TRIO: variants seen among roughly 807,000 people sequenced by gnomAD.
The protein encoded by TRIO is triple functional domain protein.
Under a neutral mutation model 351.9 loss-of-function variants are expected in TRIO, and 58 were observed. The ratio of observed to expected loss-of-function variants is 0.16; its 90% confidence interval spans 0.13 to 0.21. The LOEUF (loss-of-function observed/expected upper bound fraction) is 0.21, where lower values mean the gene tolerates loss of function less well. TRIO is among the 10% of genes least tolerant of loss of function. The probability of loss-of-function intolerance (pLI) is 1.00; values close to 1 mark genes in which losing one functional copy is unlikely to be tolerated. For missense variants in TRIO, 3,201 were observed against 4,027.8 expected, an observed-to-expected ratio of 0.79 and a Z score of 5.56; for synonymous variants, 1,758 against 1,595.7, an observed-to-expected ratio of 1.10 and a Z score of -2.42.
intron 1 of TRIO, among the ~76,000 whole-genome samples, chr5:14,217,867 G>T (rs1472536794): frequency 6.6e-6 from 1 of 152,210 alleles, no homozygotes; most frequent in East Asian, 1.9e-4. Context: ...TTATAGGAAA[G>T]TGTCTCTGTC....
At chr5:14,409,567 G>A (rs1273897918) in intron 33 of TRIO, among the ~76,000 whole-genome samples, 1 of 151,774 alleles carries the variant, frequency 6.6e-6, no homozygotes, top group Non-Finnish European at 1.5e-5. Context: ...GCACGCGGTG[G>A]CTCACGCCTG....
chr5:14,498,027 G>A (rs1393523833), intron 51 of TRIO, 62 bp from the exon 52 acceptor site: 2 of 1,611,848 alleles, frequency 1.2e-6, no homozygotes, highest in African/African-American at 2.7e-5. Context: ...TCGGGGACAT[G>A]TGGGTGGGTG....
At chr5:14,216,893 C>G (rs775497454) in intron 1 of TRIO, among the ~76,000 whole-genome samples, 1 of 152,152 alleles carries the variant, frequency 6.6e-6, no homozygotes, top group Non-Finnish European at 1.5e-5. Flanking sequence ...AAGGTCTCAT[C>G]GTTAGGAAGG....
At chr5:14,421,420 T>C (rs1750145678) in intron 34 of TRIO, among the ~76,000 whole-genome samples, 1 of 151,550 alleles carries the variant, frequency 6.6e-6, no homozygotes, top group Non-Finnish European at 1.5e-5. Flanking sequence ...CTGACCAACA[T>C]GGTGAAACCC....
chr5:14,191,625 CA>C (rs991951882), intron 1 of TRIO, among the ~76,000 whole-genome samples: 3 of 151,098 alleles, frequency 2.0e-5, no homozygotes, highest in Admixed American at 6.6e-5. Flanking sequence ...TTATTTTCAT[CA>C]TTAACATATG....
At chr5:14,468,311 A>C (rs868236108) in intron 37 of TRIO, among the ~76,000 whole-genome samples, 1 of 152,232 alleles carries the variant, frequency 6.6e-6, no homozygotes, top group Admixed American at 6.5e-5. Context: ...TAGGTTTTGG[A>C]GTCAGATAGA....
intron 1 of TRIO, among the ~76,000 whole-genome samples, chr5:14,153,868 G>C (rs1036254952): frequency 6.6e-6 from 1 of 152,106 alleles, no homozygotes; most frequent in African/African-American, 2.4e-5. Flanking sequence ...GTGTATACTC[G>C]TGTGTTAAGG....
chr5:14,399,432 C>T (rs1747884513), intron 30 of TRIO: 1 of 311,010 alleles, frequency 3.2e-6, no homozygotes, highest in African/African-American at 2.1e-5. Context: ...ATTTTTCAAC[C>T]ATAAACATTG....
chr5:14,384,724 G>A (rs1270430960), intron 21 of TRIO, among the ~76,000 whole-genome samples: 1 of 151,974 alleles, frequency 6.6e-6, no homozygotes, highest in East Asian at 1.9e-4. Flanking sequence ...GGAGAAATTT[G>A]TCTAAATGAC....
chr5:14,483,410 C>T (rs1311027359), intron 46 of TRIO, among the ~76,000 whole-genome samples: 1 of 152,234 alleles, frequency 6.6e-6, no homozygotes, highest in Non-Finnish European at 1.5e-5. Context: ...CCTGGCTCTG[C>T]AGCTGTGCAG....
intron 19 of TRIO, among the ~76,000 whole-genome samples, chr5:14,377,515 A>G (rs1351687083): frequency 2.0e-5 from 3 of 151,550 alleles, no homozygotes; most frequent in Admixed American, 6.6e-5. Context: ...CTCCCAAAGT[A>G]CTGGGATTAC....
intron 34 of TRIO, chr5:14,420,230 G>C (rs1175528064): frequency 1.0e-5 from 7 of 690,724 alleles, no homozygotes; most frequent in Non-Finnish European, 1.6e-5. Flanking sequence ...AATAATGAGT[G>C]ATCTCCTCAC....
At chr5:14,350,192 G>C (rs1033761262) in intron 11 of TRIO, among the ~76,000 whole-genome samples, 11 of 152,130 alleles carry the variant, frequency 7.2e-5, no homozygotes, top group African/African-American at 2.7e-4. Flanking sequence ...GGAAAGGCAG[G>C]CAGGCTGTGA....
At chr5:14,441,514 G>A (rs1752047505) in intron 34 of TRIO, among the ~76,000 whole-genome samples, 1 of 152,162 alleles carries the variant, frequency 6.6e-6, no homozygotes, top group Non-Finnish European at 1.5e-5. Context: ...CCTTGGGAGG[G>A]GGCTGTGTCT....
chr5:14,419,494 C>T (rs1165430954), intron 33 of TRIO, among the ~76,000 whole-genome samples: 1 of 152,166 alleles, frequency 6.6e-6, no homozygotes, highest in Non-Finnish European at 1.5e-5. Context: ...CCCAGATAGC[C>T]TTCAAGCAGA....
chr5:14,191,208 A>G (rs1790437487), intron 1 of TRIO, among the ~76,000 whole-genome samples: 2 of 152,354 alleles, frequency 1.3e-5, no homozygotes, highest in South Asian at 2.1e-4. Flanking sequence ...AAAAAGACCA[A>G]TATGACCTAG....
At chr5:14,396,017 G>A (rs989833979) in intron 28 of TRIO, among the ~76,000 whole-genome samples, 1 of 138,042 alleles carries the variant, frequency 7.2e-6, no homozygotes. Context: ...TTGCACTCCA[G>A]CCTGGGCGAC....
chr5:14,336,021 T>C (rs1741376647), intron 10 of TRIO, among the ~76,000 whole-genome samples: 1 of 152,130 alleles, frequency 6.6e-6, no homozygotes, highest in Non-Finnish European at 1.5e-5. Context: ...AGAAAGAAGA[T>C]GAGCACAGAA....
chr5:14,504,589 G>A lies in TRIO; in HGVS notation c.8608G>A (p.Glu2870Lys). Residue 2870 changes from glutamate to lysine, a missense_variant, in exon 55 of 57, where the codon GAA becomes AAA. This residue lies in a region of TRIO where 1,089 missense variants were observed against 954.9 expected (regional missense o/e 1.14). Transcript: ENST00000344204. ...CCCCACCAGCTACATCCTGGTCTTA[G>A]AAATGTGCGTACACACCTGGCCTTC... is the stretch of plus-strand genomic sequence containing the variant. ...ETPTSYILVL[E>K]MADQGRLLDC... 6.2e-7 allele frequency: 1 copy of A among 1,614,058 alleles called. No individual in the cohort carries two copies. The highest frequency in any genetic ancestry group is 1.1e-5 in the South Asian group (1 of 91,086).
Sources: allele counts gnomAD v4.1 joint callset (sites outside exome capture counted in the v4.1 genomes callset), GRCh38; gene constraint gnomAD v4.1.1; regional missense constraint gnomAD v4.1.1; transcripts MANE v1.5; gene names NCBI Gene and HGNC (gene_info 2026-07-23, HGNC 2026-07-21).